The following ZNF469 variants were observed in gnomAD, a reference collection of about 807,000 sequenced individuals.
ZNF469 encodes zinc finger protein 469.
A neutral mutation model predicts 1.0 loss-of-function variants in ZNF469; 1 was observed. The observed-to-expected ratio is 1.00, with a 90% CI of 0.35 to 4.73. ZNF469 has a LOEUF of 4.73. Ranked by LOEUF, ZNF469 falls within the 30% of genes most tolerant of loss-of-function variation. ZNF469 has a pLI of 0.16. For missense variants in ZNF469, 6,100 were observed against 5,356.3 expected (o/e 1.14, Z -4.33); for synonymous variants, 2,703 against 2,363.4 (o/e 1.14, Z -4.17).
the ZNF469 span, among the ~76,000 whole-genome samples, chr16:88,130,952 C>T: frequency 3.9e-5 from 6 of 152,312 alleles, no homozygotes; most frequent in South Asian, 4.1e-4. Context: ...CCGATGAGGA[C>T]GAGGTGCCCG....
At chr16:88,349,064 A>T in the ZNF469 span, among the ~76,000 whole-genome samples, 1 of 152,166 alleles carries the variant, frequency 6.6e-6, no homozygotes, top group Non-Finnish European at 1.5e-5. Context: ...CTTTACTCGG[A>T]AAGATCCACA....
At chr16:88,414,171 G>C (rs539912867) in intron 1 of ZNF469, among the ~76,000 whole-genome samples, 2 of 152,370 alleles carry the variant, frequency 1.3e-5, no homozygotes, top group African/African-American at 4.8e-5. Flanking sequence ...TCCCCAGGAA[G>C]ACAGGGTAGA....
chr16:88,408,606 C>T (rs964579798), intron 1 of ZNF469, among the ~76,000 whole-genome samples: 6 of 152,096 alleles, frequency 3.9e-5, no homozygotes, highest in Non-Finnish European at 8.8e-5. Flanking sequence ...TCCCAGACTG[C>T]CAACGACCTG....
chr16:88,380,501 T>TCA (rs534368602), upstream of ZNF469, among the ~76,000 whole-genome samples: 37,342 of 121,540 alleles, frequency 0.31, 8,245 homozygotes, highest in African/African-American at 0.61. Flanking sequence ...ACACATGCAC[T>TCA]CACACAGACA....
upstream of ZNF469, among the ~76,000 whole-genome samples, chr16:88,382,053 T>C (rs973536972): frequency 6.6e-6 from 1 of 152,118 alleles, no homozygotes; most frequent in Non-Finnish European, 1.5e-5. Flanking sequence ...TTCTGCGAAG[T>C]CCCCCCACTG....
chr16:88,417,635 G>C (rs1042448283), intron 1 of ZNF469, among the ~76,000 whole-genome samples: 27 of 152,186 alleles, frequency 1.8e-4, no homozygotes, highest in African/African-American at 6.5e-4. Context: ...CAGGGGAGAA[G>C]GACCCTCAGA....
chr16:88,140,955 A>G, the ZNF469 span, among the ~76,000 whole-genome samples: 1 of 152,050 alleles, frequency 6.6e-6, no homozygotes, highest in South Asian at 2.1e-4. Flanking sequence ...AAACAAAAAA[A>G]CAAAAAAATC....
the ZNF469 span, among the ~76,000 whole-genome samples, chr16:88,188,315 C>T: frequency 6.6e-6 from 1 of 152,066 alleles, no homozygotes; most frequent in African/African-American, 2.4e-5. Context: ...ACTTGGGTAG[C>T]ATCTAGCACA....
At chr16:88,247,265 AAGAGTGAGTGAGTAAATGAG>A in the ZNF469 span, among the ~76,000 whole-genome samples, 1 of 150,790 alleles carries the variant, frequency 6.6e-6, no homozygotes, top group Non-Finnish European at 1.5e-5. Context: ...GAACAAGTGA[AAGAGTGAGTGAGTAAATGAG>A]TGAGCGAGTG....
the ZNF469 span, among the ~76,000 whole-genome samples, chr16:88,128,834 G>A: frequency 1.3e-5 from 2 of 152,260 alleles, no homozygotes; most frequent in Non-Finnish European, 2.9e-5. Flanking sequence ...TGGGCCGGGA[G>A]GATCTGACAG....
At chr16:88,349,861 A>ACACTTCACACACTAGACACAAATATG in the ZNF469 span, among the ~76,000 whole-genome samples, 3 of 8,192 alleles carry the variant, frequency 3.7e-4, no homozygotes, top group Admixed American at 1.1e-3. Flanking sequence ...AAGTGCACAC[A>ACACTTCACACACTAGACACAAATATG]CACCATGCAC....
rs2142314677 is a variant in ZNF469 at position 88,437,292 on chromosome 16, G to A, written c.9822G>A (p.Arg3274=). 2 of 1,547,686 alleles carry A rather than the reference G, an allele frequency of 1.3e-6. No homozygotes were observed. The highest frequency in any genetic ancestry group is 8.7e-7 in the Non-Finnish European group (1 of 1,145,464). ...KDSPGERAKP[R]ARSTPSNPDG... is the part of the protein sequence containing the mutation. ...GCCCGGGCGAGAGGGCGAAACCCCG[G>A]GCACGCAGCACCCCCAGCAACCCAG... The change falls in exon 3 of 3, where the codon CGG becomes CGA. Residue 3274 remains arginine (R), a synonymous_variant. Transcript: ENST00000565624.
At chr16:88,385,727 AGT>A (rs1184629684) in intron 1 of ZNF469, among the ~76,000 whole-genome samples, 2 of 151,658 alleles carry the variant, frequency 1.3e-5, no homozygotes, top group Non-Finnish European at 2.9e-5. Context: ...CCTGTGTAGT[AGT>A]TAAGAGTCCA....
At position 88,437,458 on chromosome 16, in the gene ZNF469, G is replaced by A. The variant is rs1311834801; in HGVS notation, c.9988G>A (p.Glu3330Lys). 2.6e-6 allele frequency: 4 copies of A among 1,529,738 alleles called. No homozygotes were observed. Among genetic ancestry groups the A allele is most frequent in the South Asian group, 2.4e-5 (2 of 82,730 alleles). 94.8% of individuals were successfully genotyped at this position (1,529,738 alleles called of 1,614,324 possible). A position where few individuals can be genotyped will look rare whatever the true frequency, so the allele number is the denominator to read the frequency against. The change falls in exon 3 of 3, where the codon GAG (glutamate) becomes AAG (lysine). Residue 3330 changes from glutamate to lysine, a missense_variant. Physicochemically the swap from Glu to Lys is moderately conservative, Grantham distance 56 (BLOSUM62 1). Coordinates refer to ENST00000565624, the MANE Select transcript of ZNF469 (RefSeq NM_001367624.2). ...CCTCCTGCAAGCCACCCCGGTGCAC[G>A]AGGCCTGCAAGGACCCCTCCCGCGA... ...EPLLQATPVH[E>K]ACKDPSRDCH...
intron 1 of ZNF469, among the ~76,000 whole-genome samples, chr16:88,415,045 C>T (rs959828968): frequency 1.6e-4 from 24 of 152,230 alleles, no homozygotes; most frequent in Non-Finnish European, 2.6e-4. Context: ...GCAGAGACTC[C>T]GGTCCCGGGT....
Position 88,429,401 on chromosome 16 carries a change from C to T in ZNF469, c.1931C>T (p.Thr644Met), listed in dbSNP as rs1359055760. The T allele has an allele frequency of 1.1e-5, 17 of 1,548,246 alleles. No homozygotes were observed. The highest frequency in any genetic ancestry group is 2.4e-5 in the South Asian group (2 of 84,004). The change falls in exon 3 of 3, where the codon ACG becomes ATG. Residue 644 changes from threonine to methionine, a missense_variant. Transcript: ENST00000565624. ...CACCCACCCACTCACCCCCAGGAGA[C>T]GGGCAGCCCCTTCCCGTCCCCGGAG... ...FFHPPTHPQETGSPFPSPEPP... is the reference protein window; with the variant it reads ...FFHPPTHPQEMGSPFPSPEPP...
At chr16:88,342,230 T>G in the ZNF469 span, among the ~76,000 whole-genome samples, 2 of 151,988 alleles carry the variant, frequency 1.3e-5, no homozygotes, top group Non-Finnish European at 2.9e-5. Flanking sequence ...ACTCGAGAGA[T>G]TTACCCAAAG....
At chr16:88,125,328 T>C in the ZNF469 span, among the ~76,000 whole-genome samples, 1 of 152,210 alleles carries the variant, frequency 6.6e-6, no homozygotes, top group African/African-American at 2.4e-5. Context: ...CTATTATAGA[T>C]CCTTTGCATT....
At chr16:88,380,159 TCA>T (rs200778038), upstream of ZNF469, among the ~76,000 whole-genome samples, 1 of 101,988 alleles carries the variant, frequency 9.8e-6, no homozygotes, top group South Asian at 3.4e-4. Context: ...ACAAATGCAC[TCA>T]CAGACATGCA....
Sources: gnomAD v4.1 joint callset for allele counts (sites outside exome capture counted in the v4.1 genomes callset) on GRCh38, gnomAD v4.1.1 for gene constraint, MANE v1.5 for transcripts, NCBI Gene and HGNC (gene_info 2026-07-23, HGNC 2026-07-21) for gene names.